The following EMP2 variants were observed in gnomAD, a reference collection of about 807,000 sequenced individuals.
EMP2 encodes the protein epithelial membrane protein 2.
EMP2 carries 19 observed loss-of-function variants against 13.7 expected under a neutral mutation model. That is an observed-to-expected ratio of 1.38 (90% confidence interval 0.97 to 2.03). EMP2 has a LOEUF of 2.03. Among genes scored for constraint, EMP2 ranks in the 30% most tolerant of loss-of-function variants. The probability of loss-of-function intolerance (pLI) is 0.00; values close to 1 mark genes in which losing one functional copy is unlikely to be tolerated. For missense variants in EMP2, 253 were observed against 220.7 expected (o/e 1.15, Z -0.93); for synonymous variants, 97 against 84.7 (o/e 1.15, Z -0.80).
chr16:10,568,196 C>A (rs1012606949), intron 1 of EMP2, among the ~76,000 whole-genome samples: 7 of 152,190 alleles, frequency 4.6e-5, no homozygotes, highest in African/African-American at 1.4e-4. Flanking sequence ...CTGGGGACAG[C>A]CCCCACCAAT....
At chr16:10,542,081 C>T (rs2354415) in intron 3 of EMP2, among the ~76,000 whole-genome samples, 65,873 of 151,876 alleles carry the variant, frequency 0.43, 14,562 homozygotes, top group Admixed American at 0.57. Flanking sequence ...AACACAAAGA[C>T]AGGATGCCCA....
Position 10,530,565 on chromosome 16 carries a change from T to A in EMP2, c.*2340A>T, listed in dbSNP as rs1272613628. 2 of 152,510 alleles carry A rather than the reference T, an allele frequency of 1.3e-5. No individual in the cohort carries two copies. Among genetic ancestry groups the A allele is most frequent in the African/African-American group, 4.8e-5 (2 of 41,392 alleles). The allele number at this position is 152,510 out of a possible 1,614,324, so 9.4% of individuals were successfully genotyped here. A position where few individuals can be genotyped will look rare whatever the true frequency, so the allele number is the denominator to read the frequency against. On this transcript the variant is annotated 3_prime_UTR_variant, in exon 5 of 5. Transcript: ENST00000359543. ...AAAAAGACAATGAGGTGCAAAGAGC[T>A]TATCTCCTGGGATGGTTCCTGGGTG...
chr16:10,564,359 C>G (rs1217173923), intron 1 of EMP2, among the ~76,000 whole-genome samples: 2 of 151,882 alleles, frequency 1.3e-5, no homozygotes, highest in African/African-American at 4.8e-5. Context: ...GGTGTGGTGG[C>G]AGGCACCTGT....
intron 1 of EMP2, among the ~76,000 whole-genome samples, chr16:10,573,905 T>C (rs1010815690): frequency 6.6e-6 from 1 of 152,028 alleles, no homozygotes; most frequent in East Asian, 1.9e-4. Flanking sequence ...ATAAAGCTCT[T>C]TCCATATGGG....
At chr16:10,533,160 A>G (rs2050621342) in intron 4 of EMP2, 68 bp from the exon 5 acceptor site, 1 of 1,300,972 alleles carries the variant, frequency 7.7e-7, no homozygotes. Flanking sequence ...GCCCAGGGGC[A>G]TACGGCCAGA....
At chr16:10,570,930 G>A (rs546688370) in intron 1 of EMP2, among the ~76,000 whole-genome samples, 2 of 152,080 alleles carry the variant, frequency 1.3e-5, no homozygotes, top group African/African-American at 2.4e-5. Flanking sequence ...GCGAGGGAAA[G>A]AGCAGGTAGA....
chr16:10,574,205 T>C (rs530817540), intron 1 of EMP2, among the ~76,000 whole-genome samples: 1 of 152,330 alleles, frequency 6.6e-6, no homozygotes, highest in African/African-American at 2.4e-5. Context: ...CCCAAAGTGC[T>C]GGGATTAGAG....
At chr16:10,570,622 T>G (rs1281471585) in intron 1 of EMP2, among the ~76,000 whole-genome samples, 2 of 152,136 alleles carry the variant, frequency 1.3e-5, no homozygotes, top group Non-Finnish European at 2.9e-5. Flanking sequence ...GGTCTCGAAC[T>G]CCTAACTTCA....
chr16:10,558,283 TC>T (rs2050847251), intron 1 of EMP2, among the ~76,000 whole-genome samples: 1 of 152,138 alleles, frequency 6.6e-6, no homozygotes, highest in African/African-American at 2.4e-5. Flanking sequence ...CACCTTGGCC[TC>T]CCAAAGTGCT....
At chr16:10,540,211 A>G (rs574698165) in intron 3 of EMP2, among the ~76,000 whole-genome samples, 51 of 152,312 alleles carry the variant, frequency 3.3e-4, no homozygotes, top group African/African-American at 1.2e-3. Flanking sequence ...TGCTCAGTTT[A>G]AATTCCTCTA....
chr16:10,548,165 A>C (rs7185956), intron 1 of EMP2, among the ~76,000 whole-genome samples: 11,867 of 152,232 alleles, frequency 0.078, 1,550 homozygotes, highest in African/African-American at 0.27. Flanking sequence ...CATCCAGACG[A>C]CAAATATTCC....
chr16:10,552,347 A>G (rs1276232539), intron 1 of EMP2, among the ~76,000 whole-genome samples: 2 of 152,220 alleles, frequency 1.3e-5, no homozygotes, highest in Admixed American at 1.3e-4. Context: ...AATTAAAAAG[A>G]AAAAAGGTTT....
chr16:10,573,430 G>A (rs933506524), intron 1 of EMP2, among the ~76,000 whole-genome samples: 1 of 152,092 alleles, frequency 6.6e-6, no homozygotes, highest in Non-Finnish European at 1.5e-5. Flanking sequence ...GTTCCAAGGG[G>A]GATGCTCCAT....
chr16:10,579,708 GCACACACACACACA>G (rs71133370), intron 1 of EMP2, among the ~76,000 whole-genome samples: 3 of 146,668 alleles, frequency 2.0e-5, no homozygotes, highest in African/African-American at 5.2e-5. Flanking sequence ...AGATCAAGGT[GCACACACACACACA>G]CACACACACA....
In EMP2 at chr16:10,531,829, G is replaced by A. The variant is rs1567198638; in HGVS notation, c.*1076C>T. The A allele has an allele frequency of 6.5e-6, 1 of 154,872 alleles. No homozygotes were observed. The highest frequency in any genetic ancestry group is 1.5e-5 in the Non-Finnish European group (1 of 68,256). 9.6% of individuals were successfully genotyped at this position (154,872 alleles called of 1,614,324 possible). On this transcript the variant is annotated 3_prime_UTR_variant, in exon 5 of 5. Coordinates refer to ENST00000359543, the MANE Select transcript of EMP2 (RefSeq NM_001424.6). The stretch of plus-strand genomic sequence containing the variant: ...TCTGAGGCTCTAGAAATAGGGGTGA[G>A]AGGCCAGCCAGGTGTAGCATGAAGG...
chr16:10,555,227 G>A (rs548781872), intron 1 of EMP2, among the ~76,000 whole-genome samples: 1 of 152,256 alleles, frequency 6.6e-6, no homozygotes, highest in African/African-American at 2.4e-5. Context: ...GAATGCCCAC[G>A]ACAATCTTTC....
intron 4 of EMP2, among the ~76,000 whole-genome samples, chr16:10,536,827 C>T (rs1449008182): frequency 1.3e-5 from 2 of 152,120 alleles, no homozygotes; most frequent in African/African-American, 4.8e-5. Context: ...CACTATGTTG[C>T]CCAGGCTGGT....
At position 10,543,659 on chromosome 16, in the gene EMP2, G is replaced by T; in HGVS notation, c.80C>A (p.Ala27Asp). Residue 27 changes from alanine to aspartate, a missense_variant and splice_region_variant, in exon 3 of 5, where the codon GCC becomes GAC. Transcript: ENST00000359543. The part of the protein sequence containing the change: ...ALLFIATVDN[A>D]WWVGDEFFAD... ...AAAAAACTCATCTCCTACCCACCAG[G>T]CCTGTAACACAAAATGGAAATAGAG... The T allele has an allele frequency of 6.2e-7, 1 of 1,614,072 alleles. No individual in the cohort carries two copies.
chr16:10,552,493 G>C lies in EMP2; in HGVS notation c.-60-4816C>G, dbSNP rs7187477. ...TTCCAATCCTACTGAGTTCACCAAG[G>C]AAAAGACCCAGTTTGGTGCTAGTCA... On this transcript the variant is annotated intron_variant, in intron 1 of 4. Transcript: ENST00000359543. 3.0e-3 allele frequency among the ~76,000 whole-genome samples: 456 copies of C among 152,254 alleles called. 2 individuals carry two copies. The highest frequency in any genetic ancestry group is 0.01 in the Middle Eastern group (3 of 294).
Sources: gnomAD v4.1 joint callset for allele counts (sites outside exome capture counted in the v4.1 genomes callset) on GRCh38, gnomAD v4.1.1 for gene constraint, MANE v1.5 for transcripts, NCBI Gene and HGNC (gene_info 2026-07-23, HGNC 2026-07-21) for gene names.